LAMA1: variants seen among roughly 807,000 people sequenced by gnomAD.
LAMA1 encodes the protein laminin subunit alpha-1.
LAMA1 carries 219 observed loss-of-function variants against 348.7 expected under a neutral mutation model. The observed-to-expected ratio is 0.63, with a 90% confidence interval of 0.56 to 0.70. The LOEUF is 0.70. Ranked by LOEUF, LAMA1 falls within the 30% of genes least tolerant of loss-of-function variation. The probability of loss-of-function intolerance (pLI) is 0.00; values close to 1 mark genes in which losing one functional copy is unlikely to be tolerated. For synonymous variants in LAMA1, 1,487 were observed against 1,491.0 expected (o/e 1.00, Z 0.06); for missense variants, 3,744 against 3,888.0 (o/e 0.96, Z 0.99).
At chr18:7,043,937 C>T (rs1049560861) in intron 7 of LAMA1, among the ~76,000 whole-genome samples, 3 of 152,050 alleles carry the variant, frequency 2.0e-5, no homozygotes, top group Admixed American at 6.6e-5. Context: ...GGGCGGATCA[C>T]GAGGTCAAGA....
chr18:7,089,267 T>C (rs1046053395), intron 1 of LAMA1, among the ~76,000 whole-genome samples: 3 of 152,058 alleles, frequency 2.0e-5, no homozygotes, highest in Non-Finnish European at 4.4e-5. Flanking sequence ...TAGTCCCACC[T>C]AATCGGGAGA....
Position 6,959,449 on chromosome 18 carries a change from T to C in LAMA1, c.7670A>G (p.His2557Arg), listed in dbSNP as rs764906747. The change falls in exon 54 of 63, where the codon CAT becomes CGT. Residue 2557 changes from histidine (H) to arginine (R), a missense_variant. Coordinates refer to ENST00000389658, the MANE Select transcript of LAMA1 (RefSeq NM_005559.4). ...GCCTGTCCCATCCCCAGGATTGACATGTACCTCAATGTTGCCTCCGATCAG... is the reference window on the plus strand; with the variant it reads ...GCCTGTCCCATCCCCAGGATTGACACGTACCTCAATGTTGCCTCCGATCAG... ...VMLIGGNIEV[H>R]VNPGDGTGLR... The C allele has an allele frequency of 2.5e-6, 4 of 1,614,082 alleles. No individual in the cohort carries two copies. Among genetic ancestry groups the C allele is most frequent in the East Asian group, 2.2e-5 (1 of 44,896 alleles).
intron 5 of LAMA1, among the ~76,000 whole-genome samples, chr18:7,047,193 C>A (rs144733098): frequency 0.057 from 8,582 of 151,750 alleles, 362 homozygotes; most frequent in East Asian, 0.17. Flanking sequence ...TACAGGCATG[C>A]GCCACCACGC....
chr18:6,992,492 T>G lies in LAMA1; in HGVS notation c.5168+69A>C. On this transcript the variant is annotated intron_variant, in intron 36 of 62. Coordinates refer to ENST00000389658, the MANE Select transcript of LAMA1 (RefSeq NM_005559.4). ...ACTTTTCTTCCACGATGCCTCCTTCTCCTTTGGAGATAGCGTGCAAGTTTC... is the reference window on the plus strand; with the variant it reads ...ACTTTTCTTCCACGATGCCTCCTTCGCCTTTGGAGATAGCGTGCAAGTTTC... 1.9e-6 allele frequency: 3 copies of G among 1,542,052 alleles called. No individual in the cohort carries two copies. The South Asian group carries it at 3.3e-5, about 17-fold the overall frequency.
intron 1 of LAMA1, among the ~76,000 whole-genome samples, chr18:7,084,942 T>C (rs2065551): frequency 0.61 from 92,971 of 152,062 alleles, 31,487 homozygotes; most frequent in East Asian, 0.91. Context: ...ACAACTTCTT[T>C]GCCAATATTT....
Position 7,013,804 on chromosome 18 carries a change from A to G in LAMA1, c.3363+11T>C. The G allele has an allele frequency of 6.2e-7, 1 of 1,610,330 alleles. No homozygotes were observed. The highest frequency in any genetic ancestry group is 8.5e-7 in the Non-Finnish European group (1 of 1,178,068). ...GAGACAGGATGAAAGAGGAGGATGGATGGTAAATACCTTGCAAGGGCAGGC... is the reference window on the plus strand; with the variant it reads ...GAGACAGGATGAAAGAGGAGGATGGGTGGTAAATACCTTGCAAGGGCAGGC... On this transcript the variant is annotated intron_variant, in intron 23 of 62. Transcript: ENST00000389658.
At chr18:7,105,913 A>C (rs1229689079) in intron 1 of LAMA1, among the ~76,000 whole-genome samples, 3 of 152,222 alleles carry the variant, frequency 2.0e-5, no homozygotes, top group Non-Finnish European at 4.4e-5. Context: ...TTTAAACACA[A>C]GTGCAACAAT....
In LAMA1 at chr18:6,978,370, C is replaced by G; in HGVS notation, c.6016G>C (p.Asp2006His). 3 of 1,614,060 alleles carry G rather than the reference C, an allele frequency of 1.9e-6. No homozygotes were observed. The highest frequency in any genetic ancestry group is 2.5e-6 in the Non-Finnish European group (3 of 1,180,028). The change falls in exon 43 of 63, where the codon GAC becomes CAC. Residue 2006 changes from aspartate to histidine, a missense_variant. Around this residue, in one of 3 missense-constraint regions of LAMA1, gnomAD observed 1,983 missense variants for 1,934.3 expected, o/e 1.03. Transcript: ENST00000389658. ...AGCTCTTTGGTTTTGGCTCCCTTGTCTCTTATACCTAAAATAAATGTATAT... is the reference window on the plus strand; with the variant it reads ...AGCTCTTTGGTTTTGGCTCCCTTGTGTCTTATACCTAAAATAAATGTATAT... ...ILRAIPKGIR[D>H]KGAKTKELAT...
At position 6,965,350 on chromosome 18, in the gene LAMA1, G is replaced by C; in HGVS notation, c.7133C>G (p.Thr2378Arg). The C allele has an allele frequency of 2.5e-6, 4 of 1,614,196 alleles. No individual in the cohort carries two copies. The highest frequency in any genetic ancestry group is 3.4e-6 in the Non-Finnish European group (4 of 1,180,026). ...DLGSGPITLL[T>R]DRRYNNGTWY... ...GGTTCCATTGTTATAACGTCTGTCT[G>C]TCAAAAGGGTAATGGGTCCTGAACC... The change falls in exon 50 of 63, where the codon ACA (threonine) becomes AGA (arginine). Residue 2378 changes from threonine to arginine, a missense_variant. Around this residue, in one of 3 missense-constraint regions of LAMA1, gnomAD observed 1,983 missense variants for 1,934.3 expected, o/e 1.03. Coordinates refer to ENST00000389658, the MANE Select transcript of LAMA1 (RefSeq NM_005559.4).
At position 7,074,967 on chromosome 18, in the gene LAMA1, C is replaced by CAA. The variant is rs773818069; in HGVS notation, c.345+5006_345+5007dup. 1.8e-3 allele frequency among the ~76,000 whole-genome samples: 94 copies of CAA among 52,264 alleles called. 16 individuals are homozygous for CAA. Among genetic ancestry groups the CAA allele is most frequent in the Non-Finnish European group, 2.4e-3 (73 of 30,286 alleles). The allele number at this position is 52,264 out of a possible 152,430, so 34.3% of individuals were successfully genotyped here. A position where few individuals can be genotyped will look rare whatever the true frequency, so the allele number is the denominator to read the frequency against. On this transcript the variant is annotated intron_variant, in intron 3 of 62. Transcript: ENST00000389658. ...GATAACCAAACCTAATACATAGAGG[C>CAA]AAAAAAAAAAAAAAAAAAAAAAAAA...
chr18:7,076,337 G>A (rs2143774454), intron 3 of LAMA1, among the ~76,000 whole-genome samples: 1 of 152,264 alleles, frequency 6.6e-6, no homozygotes, highest in Non-Finnish European at 1.5e-5. Context: ...ACTACTAGTG[G>A]GACAACCAGC....
rs1164977980 is a variant in LAMA1, at chr18:7,040,069, C to T, written c.1422+7G>A. 1 of 1,613,868 alleles carries T rather than the reference C, an allele frequency of 6.2e-7. No individual in the cohort carries two copies. The highest frequency in any genetic ancestry group is 8.5e-7 in the Non-Finnish European group (1 of 1,180,014). On this transcript the variant is annotated splice_region_variant and intron_variant, in intron 10 of 62. Transcript: ENST00000389658. ...AGCTCAGGGGTGTCTCTGACCTCCC[C>T]ACTTACCTTACAAACACAGGGCCCT...
chr18:6,942,084 A>T lies in LAMA1; in HGVS notation c.9223T>A (p.Ser3075Thr). The part of the protein sequence containing the change: ...VFLHSCPGTE[S>T] ...CTGAGGATTCTGCTTGAAGTTCAGG[A>T]CTCGGTCCCAGGACAGGAATGAAGG... is the stretch of plus-strand genomic sequence containing the variant. The change falls in exon 63 of 63, where the codon TCC becomes ACC. Residue 3075 changes from serine to threonine, a missense_variant. Ser to Thr is a moderately conservative substitution (Grantham distance 58, BLOSUM62 1). Coordinates refer to ENST00000389658, the MANE Select transcript of LAMA1 (RefSeq NM_005559.4). The T allele has an allele frequency of 6.2e-7, 1 of 1,614,062 alleles. No individual in the cohort carries two copies.
In LAMA1 at chr18:6,985,406, T is replaced by A. The variant is rs189390548; in HGVS notation, c.5497-6A>T. ...TCCTGGTGATCCTCTAAGTGCTACA[T>A]GGAGAAATTAATATTGTAAATATAT... is the stretch of plus-strand genomic sequence containing the variant. On this transcript the variant is annotated splice_polypyrimidine_tract_variant and splice_region_variant and intron_variant, in intron 38 of 62. Coordinates refer to ENST00000389658, the MANE Select transcript of LAMA1 (RefSeq NM_005559.4). 6.2e-7 allele frequency: 1 copy of A among 1,614,122 alleles called. No individual in the cohort carries two copies. The highest frequency in any genetic ancestry group is 2.2e-5 in the East Asian group (1 of 44,882).
At chr18:6,970,317 A>G (rs2144026164) in intron 48 of LAMA1, among the ~76,000 whole-genome samples, 1 of 152,338 alleles carries the variant, frequency 6.6e-6, no homozygotes, top group South Asian at 2.1e-4. Context: ...CTACAAAGCA[A>G]AGCCACATCA....
At chr18:7,031,891 A>C (rs199504769) in intron 16 of LAMA1, among the ~76,000 whole-genome samples, 175 bp downstream of exon 16, 5 of 45,278 alleles carry the variant, frequency 1.1e-4, no homozygotes, top group Middle Eastern at 0.016. Flanking sequence ...AAAAAAAAAC[A>C]AAAAAAAAAA....
At chr18:6,979,824 G>A (rs28698000) in intron 42 of LAMA1, among the ~76,000 whole-genome samples, 29,332 of 150,844 alleles carry the variant, frequency 0.19, 3,757 homozygotes, top group African/African-American at 0.37. Context: ...GTGTGAACCC[G>A]GGGGGCGGAG....
intron 1 of LAMA1, among the ~76,000 whole-genome samples, chr18:7,092,163 G>A (rs565986646): frequency 1.3e-5 from 2 of 152,226 alleles, no homozygotes; most frequent in African/African-American, 4.8e-5. Flanking sequence ...TTTTTCCCCT[G>A]AAATGAAGCC....
At chr18:7,109,254 T>C (rs1219257172) in intron 1 of LAMA1, among the ~76,000 whole-genome samples, 1 of 151,936 alleles carries the variant, frequency 6.6e-6, no homozygotes, top group Non-Finnish European at 1.5e-5. Flanking sequence ...CTGTGGGGAG[T>C]TCCTCGGTGT....
Sources: gnomAD v4.1 joint callset for allele counts (sites outside exome capture counted in the v4.1 genomes callset) on GRCh38, gnomAD v4.1.1 for gene constraint, gnomAD v4.1.1 regional missense constraint, MANE v1.5 for transcripts, NCBI Gene and HGNC (gene_info 2026-07-23, HGNC 2026-07-21) for gene names.